CEP120: variants seen among roughly 807,000 people sequenced by gnomAD.
CEP120 encodes the protein centrosomal protein 120, also known as centrosomal protein of 120 kDa.
Under a neutral mutation model 126.5 loss-of-function variants are expected in CEP120, and 113 were observed. The ratio of observed to expected loss-of-function variants is 0.89; its 90% CI spans 0.77 to 1.04. CEP120 has a LOEUF of 1.04. CEP120 is among the 50% of genes least tolerant of loss of function. The pLI is 0.00. For synonymous variants in CEP120, 400 were observed against 394.3 expected (o/e 1.01, Z -0.17); for missense variants, 1,230 against 1,155.7 (o/e 1.06, Z -0.93).
intron 18 of CEP120, among the ~76,000 whole-genome samples, chr5:123,353,217 T>A (rs1182564868): frequency 1.3e-5 from 2 of 151,958 alleles, no homozygotes; most frequent in African/African-American, 4.8e-5. Context: ...TTCCATTATT[T>A]TAAGAATGTT....
chr5:123,400,987 C>T (rs1773178850), intron 4 of CEP120: 11 of 1,552,650 alleles, frequency 7.1e-6, no homozygotes, highest in Middle Eastern at 4.2e-4. Context: ...TTCACAACCA[C>T]GGCCCTGGAG....
intron 1 of CEP120, among the ~76,000 whole-genome samples, chr5:123,421,669 T>C (rs1206802455): frequency 6.6e-6 from 1 of 151,580 alleles, no homozygotes; most frequent in Non-Finnish European, 1.5e-5. Flanking sequence ...CAACATATTG[T>C]GTCCTGTGAT....
chr5:123,411,125 T>C (rs1344235250), intron 4 of CEP120, among the ~76,000 whole-genome samples: 1 of 152,058 alleles, frequency 6.6e-6, no homozygotes, highest in East Asian at 1.9e-4. Flanking sequence ...AAAACAACAA[T>C]GAGATACTAT....
At chr5:123,361,107 T>G (rs1158412448) in intron 18 of CEP120, among the ~76,000 whole-genome samples, 1 of 151,828 alleles carries the variant, frequency 6.6e-6, no homozygotes, top group Non-Finnish European at 1.5e-5. Flanking sequence ...TCAGCTGATT[T>G]GGGTAATGTG....
chr5:123,346,920 ATTTATAAAAGGCAAC>A (rs1306496355), intron 19 of CEP120, among the ~76,000 whole-genome samples, 167 bp from the exon 20 acceptor site: 1 of 152,214 alleles, frequency 6.6e-6, no homozygotes, highest in Non-Finnish European at 1.5e-5. Context: ...GAGTCTGCAC[ATTTATAAAAGGCAAC>A]TTTAAAAACA....
At chr5:123,364,384 A>C in intron 18 of CEP120, 112 bp downstream of exon 18, 1 of 471,992 alleles carries the variant, frequency 2.1e-6, no homozygotes, top group East Asian at 3.5e-5. Context: ...AATCTCAAAA[A>C]ATAGCAATAT....
At chr5:123,373,191 T>C (rs746819545) in intron 16 of CEP120, among the ~76,000 whole-genome samples, 8 of 151,978 alleles carry the variant, frequency 5.3e-5, no homozygotes, top group African/African-American at 1.9e-4. Context: ...CTGGATTCCA[T>C]GAGAGCAGAG....
At chr5:123,401,828 C>T in intron 4 of CEP120, 7 of 1,451,972 alleles carry the variant, frequency 4.8e-6, no homozygotes, top group Non-Finnish European at 6.7e-6. Flanking sequence ...TGAAGTCCTC[C>T]ACCAGCCCCT....
Position 123,390,019 on chromosome 5 carries a change from G to T in CEP120, c.1160C>A (p.Pro387Gln), listed in dbSNP as rs546926801. Residue 387 changes from proline (P) to glutamine (Q), a missense_variant, in exon 8 of 20, where the codon CCA becomes CAA. Physicochemically the swap from Pro to Gln is moderately conservative, Grantham distance 76. Coordinates refer to ENST00000306467, the MANE Select transcript of CEP120 (RefSeq NM_001375405.1). Reference sequence around the variant, plus strand: ...TGTTGGAGGTGACTGGTTGTGAGATGGAACAGGGGACACTGTTGGTGATTT... The same window carrying T: ...TGTTGGAGGTGACTGGTTGTGAGATTGAACAGGGGACACTGTTGGTGATTT... ...GPKSPTVSPV[P>Q]SHNQSPPTKD... 1 of 1,614,092 alleles carries T rather than the reference G, an allele frequency of 6.2e-7. No individual in the cohort carries two copies. Among genetic ancestry groups the T allele is most frequent in the Admixed American group, 1.7e-5 (1 of 60,024 alleles).
intron 18 of CEP120, among the ~76,000 whole-genome samples, chr5:123,356,165 G>A (rs1043185836): frequency 1.3e-5 from 2 of 152,132 alleles, no homozygotes; most frequent in Non-Finnish European, 2.9e-5. Flanking sequence ...GTAGTACCAT[G>A]CTGTTTTGGT....
Position 123,423,372 on chromosome 5 carries a change from G to C in CEP120, c.-374C>G, listed in dbSNP as rs545990331. ...CTTCCGCCTAGCAACCAGGCCCGCA[G>C]GCCCAGTGCCCAGGGGAGGTTGGAG... On this transcript the variant is annotated 5_prime_UTR_variant, in exon 1 of 20. Transcript: ENST00000306467. The C allele has an allele frequency of 3.5e-5, 11 of 318,438 alleles. No individual in the cohort carries two copies. The highest frequency in any genetic ancestry group is 2.2e-4 in the African/African-American group (10 of 44,484). 19.7% of individuals were successfully genotyped at this position (318,438 alleles called of 1,614,324 possible). A position where few individuals can be genotyped will look rare whatever the true frequency, so the allele number is the denominator to read the frequency against.
chr5:123,374,000 A>G (rs1771036380), intron 16 of CEP120, among the ~76,000 whole-genome samples: 1 of 152,082 alleles, frequency 6.6e-6, no homozygotes, highest in South Asian at 2.1e-4. Flanking sequence ...AAAATGTGAA[A>G]AAAATGAATA....
At chr5:123,382,328 A>C in intron 13 of CEP120, 128 bp from the exon 14 acceptor site, 1 of 300,722 alleles carries the variant, frequency 3.3e-6, no homozygotes, top group Non-Finnish European at 6.1e-6. Flanking sequence ...TTTATTCTAA[A>C]AAAAAAAAAA....
In CEP120 at chr5:123,378,438, A is replaced by T; in HGVS notation, c.2104-10T>A. 2.3e-6 allele frequency: 3 copies of T among 1,315,958 alleles called. No homozygotes were observed. Among genetic ancestry groups the T allele is most frequent in the Non-Finnish European group, 3.1e-6 (3 of 974,122 alleles). 81.5% of individuals were successfully genotyped at this position (1,315,958 alleles called of 1,614,324 possible). ...TAGTATATTCAGCCACCTAAAATATAGTAAAAAAAAAAAAAAAAAAGTTAC... is the reference window on the plus strand; with the variant it reads ...TAGTATATTCAGCCACCTAAAATATTGTAAAAAAAAAAAAAAAAAAGTTAC... On this transcript the variant is annotated splice_polypyrimidine_tract_variant and intron_variant, in intron 14 of 19. Transcript: ENST00000306467.
chr5:123,377,716 T>C (rs1450775800), intron 15 of CEP120, among the ~76,000 whole-genome samples, 181 bp from the exon 16 acceptor site: 1 of 152,144 alleles, frequency 6.6e-6, no homozygotes, highest in Non-Finnish European at 1.5e-5. Flanking sequence ...AATCATTGTT[T>C]AATACTATTA....
intron 18 of CEP120, among the ~76,000 whole-genome samples, chr5:123,358,856 C>A (rs535125246): frequency 6.6e-6 from 1 of 151,932 alleles, no homozygotes; most frequent in Non-Finnish European, 1.5e-5. Context: ...GACTAAACAG[C>A]GGCTAAAAAG....
At chr5:123,368,291 A>G (rs1025525227) in intron 17 of CEP120, among the ~76,000 whole-genome samples, 3 of 152,004 alleles carry the variant, frequency 2.0e-5, no homozygotes, top group African/African-American at 7.2e-5. Context: ...TCCCCAGGGT[A>G]AAATGGAAGT....
At chr5:123,414,223 C>T (rs899689072) in intron 3 of CEP120, among the ~76,000 whole-genome samples, 5 of 152,068 alleles carry the variant, frequency 3.3e-5, no homozygotes, top group Non-Finnish European at 7.3e-5. Context: ...GACACTTGCA[C>T]GCTACATGAG....
intron 5 of CEP120, among the ~76,000 whole-genome samples, chr5:123,396,978 A>G (rs1194166454): frequency 2.6e-5 from 4 of 152,252 alleles, no homozygotes; most frequent in Non-Finnish European, 5.9e-5. Flanking sequence ...TAAGTAATCA[A>G]TAAATATGAA....
Sources: allele counts gnomAD v4.1 joint callset (sites outside exome capture counted in the v4.1 genomes callset), GRCh38; gene constraint gnomAD v4.1.1; transcripts MANE v1.5; gene names NCBI Gene and HGNC (gene_info 2026-07-23, HGNC 2026-07-21).